Variants in TARM1 observed in about 807,000 individuals in gnomAD.
TARM1 encodes the protein T-cell-interacting, activating receptor on myeloid cells protein 1.
TARM1 carries 24 observed loss-of-function variants against 30.4 expected under a neutral mutation model. The ratio of observed to expected loss-of-function variants is 0.79; its 90% CI spans 0.57 to 1.11. TARM1 has a LOEUF of 1.11. Ranked by LOEUF, TARM1 falls within the 50% of genes least tolerant of loss-of-function variation. The pLI is 0.00. For missense variants in TARM1, 323 were observed against 332.8 expected, an observed-to-expected ratio of 0.97 and a Z score of 0.23; for synonymous variants, 129 against 138.9, an observed-to-expected ratio of 0.93 and a Z score of 0.50.
At chr19:54,070,916 T>C (rs1032405035) in intron 4 of TARM1, among the ~76,000 whole-genome samples, 7 of 152,094 alleles carry the variant, frequency 4.6e-5, no homozygotes, top group Non-Finnish European at 7.4e-5. Flanking sequence ...CTGGCCATAA[T>C]TGAGCTCTTT....
At chr19:54,070,297 C>G (rs2071780141) in intron 4 of TARM1, 137 bp from the exon 5 acceptor site, 13 of 1,340,610 alleles carry the variant, frequency 9.7e-6, no homozygotes, top group Non-Finnish European at 1.1e-5. Flanking sequence ...GAGTTTTACT[C>G]TTGTTGACCA....
chr19:54,075,173 C>A, intron 2 of TARM1, 59 bp from the exon 3 acceptor site: 1 of 1,381,838 alleles, frequency 7.2e-7, no homozygotes, highest in Non-Finnish European at 9.6e-7. Context: ...TCAGGAAGCC[C>A]TTTTTAAAAT....
chr19:54,076,915 T>A (rs2071969427), intron 1 of TARM1, among the ~76,000 whole-genome samples: 1 of 152,162 alleles, frequency 6.6e-6, no homozygotes, highest in Admixed American at 6.6e-5. Flanking sequence ...AATCCCTTCA[T>A]GACTCCAAAC....
At chr19:54,075,395 A>G (rs907121818) in intron 2 of TARM1, among the ~76,000 whole-genome samples, 11 of 150,792 alleles carry the variant, frequency 7.3e-5, no homozygotes, top group African/African-American at 2.2e-4. Context: ...CATGTTGGCC[A>G]GGCTGGTCTC....
intron 4 of TARM1, among the ~76,000 whole-genome samples, chr19:54,071,310 T>G (rs2071805974): frequency 6.6e-6 from 1 of 152,148 alleles, no homozygotes; most frequent in African/African-American, 2.4e-5. Context: ...CTTCCTTCCT[T>G]GATATTCACT....
chr19:54,079,769 AGATCACCTGAGGT>A (rs2072050020), intron 1 of TARM1, among the ~76,000 whole-genome samples: 1 of 151,892 alleles, frequency 6.6e-6, no homozygotes, highest in Non-Finnish European at 1.5e-5. Context: ...TGAGGCGGGC[AGATCACCTGAGGT>A]GATCACCTGA....
chr19:54,070,091 A>G lies in TARM1; in HGVS notation c.728T>C (p.Ile243Thr). Residue 243 changes from isoleucine (I) to threonine (T), a missense_variant, in exon 5 of 5, where the codon ATT (isoleucine) becomes ACT (threonine). Coordinates refer to ENST00000432826, the MANE Select transcript of TARM1 (RefSeq NM_001135686.3). ...NFVRLGLAAV[I>T]VVIMGAFLVE... ...CAGGAAAGCTCCCATGATAACCACA[A>G]TTACGGCAGCCAGACCCAGTCGTAC... 1 of 1,551,596 alleles carries G rather than the reference A, an allele frequency of 6.4e-7. No homozygotes were observed. The highest frequency in any genetic ancestry group is 1.2e-5 in the South Asian group (1 of 84,058).
chr19:54,075,083 C>T lies in TARM1; in HGVS notation c.102G>A (p.Trp34Ter). ...GSLPKPSLSAWPSSVVPANSN... is the reference protein window; with the variant it reads ...GSLPKPSLSA ...TGTTGGCAGGGACCACCGAGCTGGG[C>T]CAGGCACTGAGGGACGGCTTGGGCA... The change falls in exon 3 of 5, where the codon TGG (tryptophan) becomes TGA (stop). Residue 34 changes from tryptophan (W) to a stop codon, truncating the protein, a stop_gained. Transcript: ENST00000432826. LOFTEE classifies it high-confidence loss of function. 3 of 1,551,462 alleles carry T rather than the reference C, an allele frequency of 1.9e-6. No individual in the cohort carries two copies. Among genetic ancestry groups the T allele is most frequent in the Non-Finnish European group, 2.6e-6 (3 of 1,146,986 alleles).
chr19:54,080,550 GAAAA>G (rs2072104997), intron 1 of TARM1, among the ~76,000 whole-genome samples: 1 of 146,516 alleles, frequency 6.8e-6, no homozygotes, highest in Non-Finnish European at 1.5e-5. Context: ...AAGGGAAGGA[GAAAA>G]AGAAAGAAAG....
intron 1 of TARM1, 47 bp from the exon 2 acceptor site, chr19:54,075,965 G>T: frequency 6.5e-7 from 1 of 1,547,356 alleles, no homozygotes. Context: ...CTGGAGCCAC[G>T]TCACCCCCTG....
intron 4 of TARM1, among the ~76,000 whole-genome samples, chr19:54,070,555 C>T (rs925363837): frequency 6.6e-6 from 1 of 151,172 alleles, no homozygotes; most frequent in Non-Finnish European, 1.5e-5. Context: ...CCACCGCGCC[C>T]GGCCACCCAC....
chr19:54,074,803 T>C, intron 3 of TARM1, 21 bp downstream of exon 3: 2 of 1,547,020 alleles, frequency 1.3e-6, no homozygotes, highest in Non-Finnish European at 1.7e-6. Context: ...CGTATGTCAT[T>C]GGCAGGCACC....
In TARM1 at chr19:54,074,997, C is replaced by G; in HGVS notation, c.188G>C (p.Gly63Ala). The change falls in exon 3 of 5, where the codon GGA becomes GCA. Residue 63 changes from glycine to alanine, a missense_variant. Coordinates refer to ENST00000432826, the MANE Select transcript of TARM1 (RefSeq NM_001135686.3). Reference protein sequence around the residue: ...ARGVSFVLRKGGIILESPKPL... With the variant: ...ARGVSFVLRKAGIILESPKPL... ...CTTCGGGGACTCCAGAATAATTCCTCCCTTCCTGAGAACAAAGCTCACACC... is the reference window on the plus strand; with the variant it reads ...CTTCGGGGACTCCAGAATAATTCCTGCCTTCCTGAGAACAAAGCTCACACC... 1.9e-6 allele frequency: 3 copies of G among 1,551,558 alleles called. No homozygotes were observed. In the South Asian group the frequency reaches 3.6e-5, roughly 18 times the overall value.
At chr19:54,075,983 C>G (rs779034049) in intron 1 of TARM1, 65 bp from the exon 2 acceptor site, 150 of 1,536,114 alleles carry the variant, frequency 9.8e-5, no homozygotes, top group Non-Finnish European at 1.3e-4. Flanking sequence ...CTGCCCTGAC[C>G]CCTGGAGATC....
chr19:54,071,072 C>T (rs2146204326), intron 4 of TARM1, among the ~76,000 whole-genome samples: 1 of 152,252 alleles, frequency 6.6e-6, no homozygotes, highest in East Asian at 1.9e-4. Flanking sequence ...ATTCTCCTGC[C>T]TCAGCCTCCC....
Position 54,070,145 on chromosome 19 carries a change from G to A in TARM1, c.674C>T (p.Thr225Ile), listed in dbSNP as rs375227683. 942 of 1,551,644 alleles carry A rather than the reference G, an allele frequency of 6.1e-4. 14 individuals carry two copies. In the South Asian group the frequency reaches 0.011, roughly 18 times the overall value. The change falls in exon 5 of 5, where the codon ACA becomes ATA. Residue 225 changes from threonine to isoleucine, a missense_variant. Transcript: ENST00000432826. ...EILVTVPPGT[T>I]SSNYSLGNFV... is the part of the protein sequence containing the mutation. ...GTTACCCAGGGAGTAGTTGCTCGAT[G>A]TGGTACCTGGGGGAACTGAAAGAGA...
rs77768804 is a variant in TARM1, at chr19:54,070,047, G to T, written c.772C>A (p.Arg258=). The T allele has an allele frequency of 2.6e-6, 4 of 1,551,378 alleles. No homozygotes were observed. The highest frequency in any genetic ancestry group is 3.5e-6 in the Non-Finnish European group (4 of 1,146,968). ...GAFLVEAWYS[R]NVSPGESEAF... ...TCTGATTCACCTGGAGACACATTCCGGCTGTACCAGGCCTCCACCAGGAAA... is the reference window on the plus strand; with the variant it reads ...TCTGATTCACCTGGAGACACATTCCTGCTGTACCAGGCCTCCACCAGGAAA... The change falls in exon 5 of 5, where the codon CGG becomes AGG. Residue 258 remains arginine (R), a synonymous_variant. Coordinates refer to ENST00000432826, the MANE Select transcript of TARM1 (RefSeq NM_001135686.3).
intron 2 of TARM1, among the ~76,000 whole-genome samples, chr19:54,075,658 T>C (rs587675009): frequency 4.6e-4 from 70 of 151,572 alleles, no homozygotes; most frequent in Middle Eastern, 6.8e-3. Flanking sequence ...CTGGGCGTGG[T>C]GGCAAGCACC....
chr19:54,073,777 G>T lies in TARM1; in HGVS notation c.658+143C>A, dbSNP rs2071871381. 15 of 1,079,166 alleles carry T rather than the reference G, an allele frequency of 1.4e-5. 1 individual carries two copies. Among genetic ancestry groups the T allele is most frequent in the Middle Eastern group, 3.1e-4 (1 of 3,220 alleles). 66.8% of individuals were successfully genotyped at this position (1,079,166 alleles called of 1,614,324 possible). On this transcript the variant is annotated intron_variant, in intron 4 of 4. Coordinates refer to ENST00000432826, the MANE Select transcript of TARM1 (RefSeq NM_001135686.3). Reference sequence around the variant, plus strand: ...CAAAGTGCTGGGATGACAGGCATGAGCCACCACGCCAGGCCAGAAAGGGAA... The same window carrying T: ...CAAAGTGCTGGGATGACAGGCATGATCCACCACGCCAGGCCAGAAAGGGAA...
Sources: gnomAD v4.1 joint callset for allele counts (sites outside exome capture counted in the v4.1 genomes callset) on GRCh38, gnomAD v4.1.1 for gene constraint, MANE v1.5 for transcripts, NCBI Gene and HGNC (gene_info 2026-07-23, HGNC 2026-07-21) for gene names.